The following PLEKHM1 variants were observed in gnomAD, a reference collection of about 807,000 sequenced individuals.
The protein encoded by PLEKHM1 is pleckstrin homology and RUN domain containing M1.
Under a neutral mutation model 94.3 loss-of-function variants are expected in PLEKHM1, and 28 were observed. The observed-to-expected ratio is 0.30, with a 90% CI of 0.22 to 0.41. The LOEUF is 0.41. PLEKHM1 is among the 10% of genes least tolerant of loss of function. The pLI, the probability that PLEKHM1 is intolerant of heterozygous loss-of-function variation, is 1.00. For missense variants in PLEKHM1, 907 were observed against 1,358.6 expected (o/e 0.67, Z 5.22); for synonymous variants, 424 against 581.2 (o/e 0.73, Z 3.89).
At chr17:45,462,521 C>A (rs1384960177) in intron 5 of PLEKHM1, among the ~76,000 whole-genome samples, 2 of 151,994 alleles carry the variant, frequency 1.3e-5, no homozygotes, top group Admixed American at 1.3e-4. Flanking sequence ...TGCCTGGAAG[C>A]TTCTCTCACC....
At chr17:45,478,249 T>C (rs1432541243) in intron 2 of PLEKHM1, 102 bp from the exon 3 acceptor site, 4 of 1,319,506 alleles carry the variant, frequency 3.0e-6, no homozygotes, top group African/African-American at 2.9e-5. Flanking sequence ...TGCAACCACA[T>C]GCACACACAT....
At chr17:45,438,110 G>A (rs574592152) in intron 11 of PLEKHM1, 141 bp from the exon 12 acceptor site, 25 of 692,692 alleles carry the variant, frequency 3.6e-5, no homozygotes, top group South Asian at 2.8e-4. Flanking sequence ...GTGCCTCTCC[G>A]TTCTGGAACA....
intron 5 of PLEKHM1, among the ~76,000 whole-genome samples, chr17:45,462,432 G>C (rs994428511): frequency 6.6e-6 from 1 of 151,906 alleles, no homozygotes; most frequent in African/African-American, 2.4e-5. Context: ...CATATACCTG[G>C]GAAGTTGTGT....
At chr17:45,486,089 C>T (rs1384619311) in intron 1 of PLEKHM1, among the ~76,000 whole-genome samples, 13 of 144,428 alleles carry the variant, frequency 9.0e-5, no homozygotes, top group African/African-American at 1.8e-4. Context: ...CAGTGGTGAG[C>T]GCCTGTAGTC....
intron 1 of PLEKHM1, among the ~76,000 whole-genome samples, chr17:45,484,774 C>T (rs1364641808): frequency 1.3e-5 from 2 of 151,998 alleles, no homozygotes; most frequent in African/African-American, 2.4e-5. Flanking sequence ...CGCTGGGGGC[C>T]GGGAACAGGG....
chr17:45,475,177 G>C lies in PLEKHM1; in HGVS notation c.846C>G (p.Asp282Glu), dbSNP rs1390007925. 6.2e-7 allele frequency: 1 copy of C among 1,613,974 alleles called. No individual in the cohort carries two copies. Among genetic ancestry groups the C allele is most frequent in the Non-Finnish European group, 8.5e-7 (1 of 1,179,852 alleles). ...CACAGGACATGGGCTCCTCGCAATG[G>C]TCTGGACTCTTGGAGCCATTCTCTT... ...LLQENGSKSP[D>E]HCEEPMSCDS... The change falls in exon 4 of 12, where the codon GAC becomes GAG. Residue 282 changes from aspartate to glutamate, a missense_variant. Transcript: ENST00000430334.
At chr17:45,438,032 T>G (rs1266723579) in intron 11 of PLEKHM1, 63 bp from the exon 12 acceptor site, 2 of 1,273,384 alleles carry the variant, frequency 1.6e-6, no homozygotes, top group Non-Finnish European at 2.3e-6. Context: ...GTGGCCACGC[T>G]GGCCAGCCCT....
At chr17:45,438,090 C>A in intron 11 of PLEKHM1, 121 bp from the exon 12 acceptor site, 1 of 747,374 alleles carries the variant, frequency 1.3e-6, no homozygotes, top group Non-Finnish European at 2.3e-6. Flanking sequence ...GTAACCCATG[C>A]ACGCACACCG....
intron 1 of PLEKHM1, among the ~76,000 whole-genome samples, chr17:45,486,504 G>A (rs181961084): frequency 3.7e-3 from 570 of 152,008 alleles, no homozygotes; most frequent in African/African-American, 0.013. Context: ...GACCCAGGAG[G>A]TGGAGCTTGC....
At chr17:45,452,670 CAT>C (rs2050806535) in intron 7 of PLEKHM1, among the ~76,000 whole-genome samples, 2 of 152,056 alleles carry the variant, frequency 1.3e-5, no homozygotes, top group Non-Finnish European at 2.9e-5. Context: ...ATGAGGAAGA[CAT>C]AGCAGATGTA....
intron 11 of PLEKHM1, among the ~76,000 whole-genome samples, chr17:45,439,254 C>T (rs983286034): frequency 4.6e-5 from 7 of 152,224 alleles, no homozygotes; most frequent in African/African-American, 1.7e-4. Context: ...GCAGAGGAGT[C>T]CTGGGAAAGC....
chr17:45,473,927 T>C (rs558271669), intron 4 of PLEKHM1, among the ~76,000 whole-genome samples: 26 of 152,238 alleles, frequency 1.7e-4, no homozygotes, highest in African/African-American at 5.3e-4. Flanking sequence ...GAAATTATTA[T>C]GGTTTTAGGG....
In PLEKHM1 at chr17:45,482,557, G is replaced by T. The variant is rs775880834; in HGVS notation, c.-41-32C>A. ...AGACAGATGGCAGCCAGATGAATGG[G>T]CAGGGAACTTTCCCCCAGCCAGAGT... On this transcript the variant is annotated intron_variant, in intron 1 of 11. Coordinates refer to ENST00000430334, the MANE Select transcript of PLEKHM1 (RefSeq NM_014798.3). 14 of 1,048,760 alleles carry T rather than the reference G, an allele frequency of 1.3e-5. No individual in the cohort carries two copies. The East Asian group carries it at 3.2e-4, about 24-fold the overall frequency. The allele number at this position is 1,048,760 out of a possible 1,614,324, so 65.0% of individuals were successfully genotyped here.
rs1274450381 is a variant in PLEKHM1, at chr17:45,468,520, G to T, written c.997C>A (p.Pro333Thr). The change falls in exon 5 of 12, where the codon CCC becomes ACC. Residue 333 changes from proline (P) to threonine (T), a missense_variant. By Grantham distance (38) the Pro-to-Thr change is conservative. Coordinates refer to ENST00000430334, the MANE Select transcript of PLEKHM1 (RefSeq NM_014798.3). ...AGGGAGAGCGAGGCCTGTGGTGTGG[G>T]GATCTCTGTTTCTTGGCTCAGTCCG... ...TNGLSQETEI[P>T]TPQASLSLHG... 6.2e-7 allele frequency: 1 copy of T among 1,614,182 alleles called. No individual in the cohort carries two copies. The highest frequency in any genetic ancestry group is 8.5e-7 in the Non-Finnish European group (1 of 1,180,026).
At chr17:45,448,997 T>C (rs928162502) in intron 8 of PLEKHM1, among the ~76,000 whole-genome samples, 1 of 152,216 alleles carries the variant, frequency 6.6e-6, no homozygotes, top group Non-Finnish European at 1.5e-5. Context: ...ATGTTAATAA[T>C]GGTGATCTCT....
At chr17:45,488,163 T>C (rs2052187551) in intron 1 of PLEKHM1, among the ~76,000 whole-genome samples, 3 of 152,188 alleles carry the variant, frequency 2.0e-5, no homozygotes, top group Admixed American at 6.6e-5. Flanking sequence ...GAGGGCAGAA[T>C]TGTGGAGTCA....
rs534344063 is a variant in PLEKHM1 at position 45,444,672 on chromosome 17, C to T, written c.2837+798G>A. Among the ~76,000 whole-genome samples, 1 of 152,180 alleles carries T rather than the reference C, an allele frequency of 6.6e-6. No homozygotes were observed. The highest frequency in any genetic ancestry group is 2.4e-5 in the African/African-American group (1 of 41,434). On this transcript the variant is annotated intron_variant, in intron 9 of 11. Transcript: ENST00000430334. This position sits in a 1 kb window ranked among gnomAD's most constrained non-coding sequence, Gnocchi z 5.0. ...CTGGGCTTTCCACCAACGGTGCCTT[C>T]GTTCATGGCCTGTGCGTGCCATTCC... is the stretch of plus-strand genomic sequence containing the variant.
At chr17:45,475,058 G>A (rs757541341) in intron 4 of PLEKHM1, 42 bp downstream of exon 4, 1 of 1,609,952 alleles carries the variant, frequency 6.2e-7, no homozygotes, top group Non-Finnish European at 8.5e-7. Context: ...AAAGAAAGGA[G>A]GGAAGAGAGA....
intron 4 of PLEKHM1, among the ~76,000 whole-genome samples, chr17:45,472,717 TCTC>T (rs1268906278): frequency 6.6e-6 from 1 of 152,154 alleles, no homozygotes; most frequent in African/African-American, 2.4e-5. Flanking sequence ...TACGAGACAA[TCTC>T]CTATATTGTT....
Sources: allele counts gnomAD v4.1 joint callset (sites outside exome capture counted in the v4.1 genomes callset), GRCh38; gene constraint gnomAD v4.1.1; non-coding constraint Gnocchi (gnomAD v3.1); transcripts MANE v1.5; gene names NCBI Gene and HGNC (gene_info 2026-07-23, HGNC 2026-07-21).